STK33: variants seen among roughly 807,000 people sequenced by gnomAD.
The protein encoded by STK33 is serine/threonine kinase 33, also known as serine/threonine-protein kinase 33.
A neutral mutation model predicts 58.0 loss-of-function variants in STK33; 52 were observed. The observed-to-expected ratio is 0.90, with a 90% CI of 0.72 to 1.13. The LOEUF (loss-of-function observed/expected upper bound fraction) is 1.13, where lower values mean the gene tolerates loss of function less well. Ranked by LOEUF, STK33 falls within the 50% of genes most tolerant of loss-of-function variation. The pLI, the probability that STK33 is intolerant of heterozygous loss-of-function variation, is 0.00. For missense variants in STK33, 630 were observed against 604.2 expected (o/e 1.04, Z -0.45); for synonymous variants, 215 against 200.1 (o/e 1.07, Z -0.63).
At chr11:8,372,269 A>C in the STK33 span, among the ~76,000 whole-genome samples, 1 of 151,474 alleles carries the variant, frequency 6.6e-6, no homozygotes, top group Non-Finnish European at 1.5e-5. Context: ...AGTTCTATGA[A>C]CACCAATCGG....
chr11:8,502,821 A>T (rs1337553396), intron 1 of STK33, among the ~76,000 whole-genome samples: 1 of 152,228 alleles, frequency 6.6e-6, no homozygotes. Context: ...TGGGCAAAGG[A>T]CATGAACACT....
chr11:8,470,347 T>G (rs957798364), intron 6 of STK33, among the ~76,000 whole-genome samples: 7 of 152,188 alleles, frequency 4.6e-5, no homozygotes, highest in Non-Finnish European at 8.8e-5. Flanking sequence ...ATGTCCTCAC[T>G]TCTCTCCCCT....
chr11:8,509,059 T>C (rs2139386892), intron 1 of STK33, among the ~76,000 whole-genome samples: 1 of 140,524 alleles, frequency 7.1e-6, no homozygotes, highest in South Asian at 2.2e-4. Flanking sequence ...GAGGTTTTGG[T>C]GAGCCAAGGT....
intron 1 of STK33, among the ~76,000 whole-genome samples, chr11:8,553,611 A>T (rs1282043850): frequency 1.3e-5 from 2 of 152,176 alleles, no homozygotes; most frequent in Admixed American, 6.5e-5. Context: ...AGACACACTG[A>T]CCAATGGAAC....
rs558633321 is a variant in STK33, at chr11:8,521,795, C to A, written c.-465-41181G>T. On this transcript the variant is annotated intron_variant, in intron 1 of 15. Transcript: ENST00000687296. ...ATTTACAAGAAAAAAAATCAAACAA[C>A]CCCATCAAAAAGTGGGTGAAGGACA... Among the ~76,000 whole-genome samples the A allele has an allele frequency of 3.0e-3, 455 of 152,218 alleles. 1 individual carries two copies. In the Middle Eastern group the frequency reaches 0.031, roughly 10 times the overall value.
At chr11:8,511,304 T>C (rs896740264) in intron 1 of STK33, among the ~76,000 whole-genome samples, 2 of 152,192 alleles carry the variant, frequency 1.3e-5, no homozygotes, top group African/African-American at 4.8e-5. Flanking sequence ...TGTTGGTGTA[T>C]AGCAGTCCTA....
At chr11:8,442,746 CA>C in intron 11 of STK33, among the ~76,000 whole-genome samples, 1 of 152,098 alleles carries the variant, frequency 6.6e-6, no homozygotes, top group East Asian at 1.9e-4. Flanking sequence ...ATGCATCTAG[CA>C]GACAAAAAAA....
chr11:8,564,154 C>T (rs1385232222), intron 1 of STK33, among the ~76,000 whole-genome samples: 3 of 152,148 alleles, frequency 2.0e-5, no homozygotes, highest in Non-Finnish European at 4.4e-5. Context: ...AAGTAGCAGG[C>T]AGGCCAGCTG....
At chr11:8,490,590 C>T (rs530653046) in intron 1 of STK33, among the ~76,000 whole-genome samples, 1 of 152,292 alleles carries the variant, frequency 6.6e-6, no homozygotes, top group African/African-American at 2.4e-5. Context: ...GGTGTTTGAG[C>T]TCTGAGAACG....
intron 14 of STK33, among the ~76,000 whole-genome samples, chr11:8,423,820 T>C (rs1181052703): frequency 6.6e-6 from 1 of 152,084 alleles, no homozygotes; most frequent in African/African-American, 2.4e-5. Context: ...CTATAATGGA[T>C]TTGCCAATTT....
the STK33 span, among the ~76,000 whole-genome samples, chr11:8,351,194 C>A: frequency 6.6e-6 from 1 of 152,186 alleles, no homozygotes; most frequent in Non-Finnish European, 1.5e-5. Context: ...CTAGTCCTGA[C>A]AATTCTACTA....
At chr11:8,491,957 A>T (rs1051505554) in intron 1 of STK33, among the ~76,000 whole-genome samples, 1 of 152,220 alleles carries the variant, frequency 6.6e-6, no homozygotes, top group South Asian at 2.1e-4. Flanking sequence ...CCAAACACGG[A>T]AAGGAACAAC....
intron 11 of STK33, among the ~76,000 whole-genome samples, chr11:8,442,905 G>A (rs1196837160): frequency 6.6e-6 from 1 of 152,122 alleles, no homozygotes; most frequent in Non-Finnish European, 1.5e-5. Flanking sequence ...TAAACTTCTA[G>A]ATATGCAAAA....
intron 1 of STK33, among the ~76,000 whole-genome samples, chr11:8,519,308 A>G (rs1953145802): frequency 6.6e-6 from 1 of 152,226 alleles, no homozygotes; most frequent in Admixed American, 6.5e-5. Flanking sequence ...ACAAAGACAC[A>G]ACACACCAGA....
At chr11:8,511,839 T>C (rs186167268) in intron 1 of STK33, among the ~76,000 whole-genome samples, 1 of 152,278 alleles carries the variant, frequency 6.6e-6, no homozygotes, top group Admixed American at 6.5e-5. Context: ...TGATCTGATG[T>C]ATTATCTTTT....
chr11:8,550,321 TTTA>T (rs1383967391), intron 1 of STK33, among the ~76,000 whole-genome samples: 1 of 152,150 alleles, frequency 6.6e-6, no homozygotes, highest in African/African-American at 2.4e-5. Context: ...TGCTCTGATC[TTTA>T]TTATTTCTTT....
intron 1 of STK33, among the ~76,000 whole-genome samples, chr11:8,538,833 T>C (rs1465815358): frequency 1.3e-5 from 2 of 152,128 alleles, no homozygotes; most frequent in Non-Finnish European, 2.9e-5. Context: ...AGGGAAAGAA[T>C]ATGGAGCTAT....
the STK33 span, among the ~76,000 whole-genome samples, chr11:8,335,706 T>C: frequency 6.6e-6 from 1 of 152,242 alleles, no homozygotes; most frequent in African/African-American, 2.4e-5. Flanking sequence ...ATTTTAATAA[T>C]ACATTTTCTT....
the STK33 span, among the ~76,000 whole-genome samples, chr11:8,366,290 T>G: frequency 1.3e-5 from 2 of 152,200 alleles, no homozygotes; most frequent in East Asian, 3.9e-4. Context: ...ACCTTCATCC[T>G]CTTTGCAGCC....
Sources: allele counts gnomAD v4.1 joint callset (sites outside exome capture counted in the v4.1 genomes callset), GRCh38; gene constraint gnomAD v4.1.1; transcripts MANE v1.5; gene names NCBI Gene and HGNC (gene_info 2026-07-23, HGNC 2026-07-21).